The following UTRN variants were observed in gnomAD, a reference collection of about 807,000 sequenced individuals.
UTRN encodes dystrophin-related protein 1.
A neutral mutation model predicts 463.9 loss-of-function variants in UTRN; 283 were observed. That is an observed-to-expected ratio of 0.61 (90% CI 0.55 to 0.67). The LOEUF is 0.67. UTRN is among the 30% of genes least tolerant of loss of function. The probability of loss-of-function intolerance (pLI) is 0.00; values close to 1 mark genes in which losing one functional copy is unlikely to be tolerated. For synonymous variants in UTRN, 1,442 were observed against 1,431.5 expected, an observed-to-expected ratio of 1.01 and a Z score of -0.17; for missense variants, 3,922 against 4,084.3, an observed-to-expected ratio of 0.96 and a Z score of 1.08.
In UTRN at chr6:144,516,268, A is replaced by T. The variant is rs1479759466; in HGVS notation, c.5284A>T (p.Thr1762Ser). The T allele has an allele frequency of 6.2e-7, 1 of 1,613,702 alleles. No individual in the cohort carries two copies. The highest frequency in any genetic ancestry group is 8.5e-7 in the Non-Finnish European group (1 of 1,179,936). The change falls in exon 38 of 75, where the codon ACC (threonine) becomes TCC (serine). Residue 1762 changes from threonine to serine, a missense_variant. This residue lies in a region of UTRN where 2,349 missense variants were observed against 2,303.8 expected (regional missense o/e 1.02). Transcript: ENST00000367545. Reference sequence around the variant, plus strand: ...GGAACCATTATACCAATGTTTGGTCACCACTGAAACATTTGAAACTGGTGT... The same window carrying T: ...GGAACCATTATACCAATGTTTGGTCTCCACTGAAACATTTGAAACTGGTGT... Reference protein sequence around the residue: ...AQEPLYQCLVTTETFETGVPF... With the variant: ...AQEPLYQCLVSTETFETGVPF...
At chr6:144,635,514 C>CTTTTCTTT (rs1777035213) in intron 51 of UTRN, among the ~76,000 whole-genome samples, 6 of 80,010 alleles carry the variant, frequency 7.5e-5, no homozygotes, top group African/African-American at 1.5e-4. Context: ...CTTTTTTTTT[C>CTTTTCTTT]TTTTTTTTTT....
At chr6:144,592,330 G>C (rs1433137343) in intron 51 of UTRN, among the ~76,000 whole-genome samples, 1 of 152,014 alleles carries the variant, frequency 6.6e-6, no homozygotes, top group Non-Finnish European at 1.5e-5. Context: ...AGCATAACTG[G>C]ACCAAAAGGA....
chr6:144,693,929 G>T (rs1168833137), intron 52 of UTRN, among the ~76,000 whole-genome samples: 1 of 152,066 alleles, frequency 6.6e-6, no homozygotes, highest in Non-Finnish European at 1.5e-5. Context: ...CCAATATTGT[G>T]TTGAAGGAGT....
chr6:144,548,505 GA>G, intron 46 of UTRN, 134 bp from the exon 47 acceptor site: 2 of 776,398 alleles, frequency 2.6e-6, no homozygotes, highest in Non-Finnish European at 4.0e-6. Context: ...ATTTCAGTAT[GA>G]AAAAATAACC....
intron 51 of UTRN, among the ~76,000 whole-genome samples, chr6:144,642,564 A>G (rs1180388155): frequency 6.6e-6 from 1 of 152,188 alleles, no homozygotes; most frequent in Non-Finnish European, 1.5e-5. Context: ...GTCTAGAGAT[A>G]AAATGTCACA....
chr6:144,625,254 A>G (rs965554523), intron 51 of UTRN, among the ~76,000 whole-genome samples: 2 of 152,260 alleles, frequency 1.3e-5, no homozygotes, highest in African/African-American at 4.8e-5. Flanking sequence ...ATGAATTAAT[A>G]GAATCAGTTT....
At chr6:144,763,751 A>G (rs891320300) in intron 58 of UTRN, among the ~76,000 whole-genome samples, 2 of 152,250 alleles carry the variant, frequency 1.3e-5, no homozygotes, top group African/African-American at 4.8e-5. Flanking sequence ...AAGAATTAAC[A>G]TAAAGCATTT....
intron 54 of UTRN, 99 bp from the exon 55 acceptor site, chr6:144,748,147 T>TC (rs1790965127): frequency 7.1e-7 from 1 of 1,417,092 alleles, no homozygotes; most frequent in East Asian, 2.4e-5. Flanking sequence ...TCTTACTTTT[T>TC]CTCCGTATTT....
At chr6:144,840,137 G>A (rs959611216) in intron 72 of UTRN, among the ~76,000 whole-genome samples, 4 of 151,862 alleles carry the variant, frequency 2.6e-5, no homozygotes, top group Non-Finnish European at 5.9e-5. Context: ...GCAGTGAGCC[G>A]AGATCGCACC....
chr6:144,434,183 A>G (rs1022851594), intron 9 of UTRN, among the ~76,000 whole-genome samples: 1 of 152,224 alleles, frequency 6.6e-6, no homozygotes, highest in African/African-American at 2.4e-5. Context: ...TCCACCAAAA[A>G]AATACGAAAA....
rs73780545 is a variant in UTRN, at chr6:144,365,424, G to A, written c.80-37699G>A. On this transcript the variant is annotated intron_variant, in intron 2 of 74. Coordinates refer to ENST00000367545, the MANE Select transcript of UTRN (RefSeq NM_007124.3). ...TGGAGTAGATCATGAGGAGGAGATG[G>A]TCAACTTTCTTGTGACAAAAGCATG... is the stretch of plus-strand genomic sequence containing the variant. 9.8e-3 allele frequency among the ~76,000 whole-genome samples: 1,495 copies of A among 152,256 alleles called. 25 individuals are homozygous for A. Among genetic ancestry groups the A allele is most frequent in the African/African-American group, 0.034 (1,429 of 41,528 alleles).
At chr6:144,748,649 G>A in intron 55 of UTRN, 135 bp downstream of exon 55, 2 of 1,218,590 alleles carry the variant, frequency 1.6e-6, no homozygotes, top group Non-Finnish European at 2.2e-6. Context: ...CCACCCATCA[G>A]GAGTCAGGAC....
At chr6:144,509,893 G>A (rs4499947) in intron 34 of UTRN, among the ~76,000 whole-genome samples, 82,382 of 151,898 alleles carry the variant, frequency 0.54, 24,484 homozygotes, top group East Asian at 0.85. Flanking sequence ...ATCAGTACAT[G>A]CCCACTGAAG....
intron 33 of UTRN, among the ~76,000 whole-genome samples, chr6:144,494,387 G>T: frequency 6.6e-6 from 1 of 151,976 alleles, no homozygotes; most frequent in East Asian, 1.9e-4. Flanking sequence ...TTGTGGTCTC[G>T]CTGGCTTCAG....
chr6:144,776,062 T>A (rs1775294186), intron 60 of UTRN, among the ~76,000 whole-genome samples: 1 of 152,194 alleles, frequency 6.6e-6, no homozygotes, highest in Non-Finnish European at 1.5e-5. Context: ...TACAGCCTTC[T>A]CCCACTGCCC....
intron 25 of UTRN, among the ~76,000 whole-genome samples, chr6:144,479,438 T>A (rs562542990): frequency 9.9e-5 from 15 of 152,166 alleles, no homozygotes; most frequent in South Asian, 6.2e-4. Context: ...ATTTTTTGTT[T>A]TTGCTTTCTT....
chr6:144,634,238 G>C (rs1263138539), intron 51 of UTRN, among the ~76,000 whole-genome samples: 1 of 152,184 alleles, frequency 6.6e-6, no homozygotes, highest in Admixed American at 6.5e-5. Context: ...TAGAAAATCT[G>C]AACTGCTGGG....
In UTRN at chr6:144,286,046, A is replaced by AGGCGTGGAGAGCTCG. The variant is rs1803630551; in HGVS notation, c.-93+235_-93+249dup. 6.6e-6 allele frequency among the ~76,000 whole-genome samples: 1 copy of AGGCGTGGAGAGCTCG among 152,178 alleles called. No individual in the cohort carries two copies. The highest frequency in any genetic ancestry group is 1.5e-5 in the Non-Finnish European group (1 of 68,030). ...CCCGCGGTGCGAGAGAGAATGCCGG[A>AGGCGTGGAGAGCTCG]GGCGTGGAGAGCTCGGGCGTGGAGG... On this transcript the variant is annotated intron_variant, in intron 1 of 74. Coordinates refer to ENST00000367545, the MANE Select transcript of UTRN (RefSeq NM_007124.3). This position sits in a 1 kb window ranked among gnomAD's most constrained non-coding sequence, Gnocchi z 4.4.
At chr6:144,561,343 CAT>C (rs1409549612) in intron 50 of UTRN, among the ~76,000 whole-genome samples, 4 of 147,954 alleles carry the variant, frequency 2.7e-5, no homozygotes, top group Non-Finnish European at 4.5e-5. Flanking sequence ...TATACACACA[CAT>C]ATACACACAC....
Sources: gnomAD v4.1 joint callset for allele counts (sites outside exome capture counted in the v4.1 genomes callset) on GRCh38, gnomAD v4.1.1 for gene constraint, gnomAD v4.1.1 regional missense constraint, Gnocchi (gnomAD v3.1) non-coding constraint, MANE v1.5 for transcripts, NCBI Gene and HGNC (gene_info 2026-07-23, HGNC 2026-07-21) for gene names.